The following GPC5 variants were observed in gnomAD, a reference collection of about 807,000 sequenced individuals.
The protein encoded by GPC5 is glypican-5.
A neutral mutation model predicts 53.9 loss-of-function variants in GPC5; 47 were observed. That is an observed-to-expected ratio of 0.87 (90% CI 0.69 to 1.11). The LOEUF is 1.11. GPC5 is among the 50% of genes most tolerant of loss of function. The pLI is 0.00. For missense variants in GPC5, 748 were observed against 713.1 expected, an observed-to-expected ratio of 1.05 and a Z score of -0.56; for synonymous variants, 286 against 263.3, an observed-to-expected ratio of 1.09 and a Z score of -0.84.
chr13:92,852,237 G>A (rs575996954), intron 7 of GPC5, among the ~76,000 whole-genome samples: 21 of 151,818 alleles, frequency 1.4e-4, no homozygotes, highest in African/African-American at 3.9e-4. Flanking sequence ...AGAGGGGAAC[G>A]TATTTACACG....
At chr13:91,776,195 G>A (rs933772357) in intron 5 of GPC5, among the ~76,000 whole-genome samples, 8 of 152,110 alleles carry the variant, frequency 5.3e-5, no homozygotes, top group Admixed American at 1.3e-4. Context: ...TGTGGGTGCA[G>A]CAGCACTGTG....
chr13:91,767,817 CCATCTG>C (rs1299949728), intron 5 of GPC5, among the ~76,000 whole-genome samples: 1 of 152,106 alleles, frequency 6.6e-6, no homozygotes, highest in Non-Finnish European at 1.5e-5. Flanking sequence ...GGACCTTTTC[CCATCTG>C]TTTGGCACAG....
chr13:91,478,522 T>C (rs868159775), intron 2 of GPC5, among the ~76,000 whole-genome samples: 2 of 151,910 alleles, frequency 1.3e-5, no homozygotes, highest in Admixed American at 6.6e-5. Flanking sequence ...ATTTATTGTT[T>C]TTACATTATT....
intron 6 of GPC5, among the ~76,000 whole-genome samples, chr13:92,000,563 T>C (rs1001523815): frequency 1.3e-5 from 2 of 152,196 alleles, no homozygotes; most frequent in African/African-American, 4.8e-5. Context: ...AGGCCTTAAA[T>C]GACTTTAGAT....
chr13:92,613,325 TATATA>T (rs1288506801), intron 7 of GPC5, among the ~76,000 whole-genome samples: 11 of 99,452 alleles, frequency 1.1e-4, no homozygotes, highest in African/African-American at 1.8e-4. Context: ...AATAAATATT[TATATA>T]ATATAATATA....
intron 6 of GPC5, among the ~76,000 whole-genome samples, chr13:92,034,929 C>T (rs1024390368): frequency 1.3e-5 from 2 of 152,168 alleles, no homozygotes; most frequent in African/African-American, 2.4e-5. Context: ...ATAAAAGAGG[C>T]CCACTTAGCT....
At chr13:91,753,029 C>T (rs1594522870) in intron 4 of GPC5, among the ~76,000 whole-genome samples, 1 of 152,260 alleles carries the variant, frequency 6.6e-6, no homozygotes, top group Non-Finnish European at 1.5e-5. Context: ...ACCATTAATT[C>T]CTTAGTCTTC....
At chr13:92,111,572 C>T (rs2041556715) in intron 6 of GPC5, among the ~76,000 whole-genome samples, 1 of 131,354 alleles carries the variant, frequency 7.6e-6, no homozygotes, top group African/African-American at 2.8e-5. Context: ...CTTATTTTGC[C>T]CTCTGCCCCA....
intron 7 of GPC5, among the ~76,000 whole-genome samples, chr13:92,602,939 A>C (rs1156573046): frequency 6.6e-6 from 1 of 152,194 alleles, no homozygotes; most frequent in Non-Finnish European, 1.5e-5. Context: ...CAAGTATCCA[A>C]GTCCTCTCTC....
intron 6 of GPC5, among the ~76,000 whole-genome samples, chr13:92,010,877 G>A (rs530368192): frequency 1.3e-5 from 2 of 152,316 alleles, no homozygotes; most frequent in Non-Finnish European, 2.9e-5. Flanking sequence ...TCCACCCAGT[G>A]TGTGGTATTC....
At chr13:91,754,423 T>C (rs1268808707) in intron 4 of GPC5, among the ~76,000 whole-genome samples, 1 of 152,038 alleles carries the variant, frequency 6.6e-6, no homozygotes, top group East Asian at 1.9e-4. Context: ...ACATAAAGCT[T>C]TCTCTATGAG....
chr13:92,675,581 T>G (rs368617731), intron 7 of GPC5, among the ~76,000 whole-genome samples: 3 of 90,198 alleles, frequency 3.3e-5, no homozygotes, highest in Non-Finnish European at 5.9e-5. Context: ...GTCCCCCTCC[T>G]TTTTTTTTTA....
At chr13:91,731,402 A>G (rs1274973379) in intron 4 of GPC5, among the ~76,000 whole-genome samples, 2 of 152,186 alleles carry the variant, frequency 1.3e-5, no homozygotes, top group Non-Finnish European at 2.9e-5. Flanking sequence ...TAATCTCAGC[A>G]ATTCCACAGG....
At chr13:92,696,309 A>C (rs1286556181) in intron 7 of GPC5, among the ~76,000 whole-genome samples, 1 of 137,586 alleles carries the variant, frequency 7.3e-6, no homozygotes, top group Non-Finnish European at 1.5e-5. Flanking sequence ...TTACACTCCC[A>C]CTAACAGTGT....
intron 7 of GPC5, among the ~76,000 whole-genome samples, chr13:92,555,187 A>T (rs1371841348): frequency 6.6e-6 from 1 of 151,490 alleles, no homozygotes; most frequent in Non-Finnish European, 1.5e-5. Flanking sequence ...CATACACATT[A>T]TCTGTTTCTA....
At chr13:92,386,249 T>A (rs1297524972) in intron 7 of GPC5, among the ~76,000 whole-genome samples, 1 of 152,022 alleles carries the variant, frequency 6.6e-6, no homozygotes, top group African/African-American at 2.4e-5. Context: ...TAAAGTATAA[T>A]ATGAGCTTCT....
chr13:92,019,562 A>G (rs2040738388), intron 6 of GPC5, among the ~76,000 whole-genome samples: 1 of 152,086 alleles, frequency 6.6e-6, no homozygotes, highest in Non-Finnish European at 1.5e-5. Flanking sequence ...CTCTGTGTCT[A>G]AGTGGTGATT....
intron 2 of GPC5, among the ~76,000 whole-genome samples, chr13:91,525,554 A>G (rs1314794269): frequency 1.3e-5 from 2 of 152,200 alleles, no homozygotes; most frequent in Non-Finnish European, 2.9e-5. Flanking sequence ...TACTTTTAAT[A>G]TACCACCTCT....
At chr13:91,751,727 T>A (rs1362359869) in intron 4 of GPC5, among the ~76,000 whole-genome samples, 1 of 152,170 alleles carries the variant, frequency 6.6e-6, no homozygotes. Flanking sequence ...CAAAACCTTA[T>A]CTCCTTCTTT....
Sources: gnomAD v4.1 joint callset for allele counts (sites outside exome capture counted in the v4.1 genomes callset) on GRCh38, gnomAD v4.1.1 for gene constraint, MANE v1.5 for transcripts, NCBI Gene and HGNC (gene_info 2026-07-23, HGNC 2026-07-21) for gene names.